CFAP20DC: variants seen among roughly 807,000 people sequenced by gnomAD.
The protein encoded by CFAP20DC is protein CFAP20DC.
In CFAP20DC, 84 loss-of-function variants were observed where a neutral mutation model predicts 101.7. The observed-to-expected ratio is 0.83, with a 90% CI of 0.69 to 0.99. The LOEUF is 0.99. CFAP20DC is among the 50% of genes least tolerant of loss of function. The pLI is 0.00. For synonymous variants in CFAP20DC, 359 were observed against 351.2 expected (o/e 1.02, Z -0.25); for missense variants, 1,007 against 970.3 (o/e 1.04, Z -0.50).
intron 15 of CFAP20DC, among the ~76,000 whole-genome samples, chr3:58,768,818 C>T (rs1397718949): frequency 1.3e-5 from 2 of 152,216 alleles, no homozygotes; most frequent in South Asian, 2.1e-4. Context: ...CTAGTTGACT[C>T]TCTTTATCCT....
chr3:58,923,747 T>A lies in CFAP20DC; in HGVS notation c.394-9883A>T, dbSNP rs556020416. ...GTGCCTGTATTATTTCCTCAGCTTA[T>A]GATTTGTTGAGCTTATTCAATCTGT... On this transcript the variant is annotated intron_variant, in intron 5 of 16. Transcript: ENST00000482387. Among the ~76,000 whole-genome samples, 28 of 152,318 alleles carry A rather than the reference T, an allele frequency of 1.8e-4. No individual in the cohort carries two copies. In the South Asian group the frequency reaches 5.2e-3, roughly 28 times the overall value.
At chr3:58,762,158 T>A (rs1200786021) in intron 15 of CFAP20DC, among the ~76,000 whole-genome samples, 5 of 152,148 alleles carry the variant, frequency 3.3e-5, no homozygotes, top group Admixed American at 6.5e-5. Flanking sequence ...CCCATTATTA[T>A]TGTGTGGGAG....
chr3:58,806,083 A>G (rs1326709220), intron 15 of CFAP20DC, among the ~76,000 whole-genome samples: 1 of 152,228 alleles, frequency 6.6e-6, no homozygotes, highest in African/African-American at 2.4e-5. Flanking sequence ...GCCATGTGCC[A>G]AGAACTGTTC....
chr3:58,786,981 C>T (rs555458468), intron 15 of CFAP20DC, among the ~76,000 whole-genome samples: 19 of 151,630 alleles, frequency 1.3e-4, no homozygotes, highest in African/African-American at 2.2e-4. Flanking sequence ...CACTATCTGT[C>T]GTTTTAGACA....
At chr3:58,994,517 T>C (rs1465476476) in intron 4 of CFAP20DC, among the ~76,000 whole-genome samples, 1 of 152,116 alleles carries the variant, frequency 6.6e-6, no homozygotes, top group Non-Finnish European at 1.5e-5. Context: ...AGCAAATTGG[T>C]GTCAGAGAAT....
At chr3:58,979,077 G>C (rs148724156) in intron 4 of CFAP20DC, among the ~76,000 whole-genome samples, 17 of 152,304 alleles carry the variant, frequency 1.1e-4, no homozygotes, top group Admixed American at 5.2e-4. Flanking sequence ...AAAGGTCCCA[G>C]AAGATTGATT....
At chr3:58,726,750 A>G (rs2067557942) in intron 3 of CFAP20DC, 1 of 223,922 alleles carries the variant, frequency 4.5e-6, no homozygotes, top group East Asian at 1.7e-4. Context: ...ATCAGAAGAG[A>G]TGAGAACAAC....
chr3:58,949,179 T>C (rs1456970748), intron 4 of CFAP20DC, among the ~76,000 whole-genome samples: 3 of 152,222 alleles, frequency 2.0e-5, no homozygotes, highest in Non-Finnish European at 2.9e-5. Context: ...TTCTTCTCTC[T>C]TCTTTATTAG....
At chr3:58,737,232 A>G, downstream of CFAP20DC, 1 of 456,496 alleles carries the variant, frequency 2.2e-6, no homozygotes. The surrounding 1 kb of genome is among the most constrained non-coding windows in gnomAD (Gnocchi z 4.1). Context: ...TATCTGGGCA[A>G]AGCAAAAAAC....
chr3:58,775,500 T>G (rs1305424081), intron 15 of CFAP20DC, among the ~76,000 whole-genome samples: 1 of 152,172 alleles, frequency 6.6e-6, no homozygotes, highest in East Asian at 1.9e-4. Context: ...AGTTTCATTA[T>G]GAAAATATGT....
rs1560015688 is a variant in CFAP20DC at position 59,027,891 on chromosome 3, G to A, written c.278+11666C>T. Among the ~76,000 whole-genome samples the A allele has an allele frequency of 2.0e-5, 3 of 152,140 alleles. No homozygotes were observed. The South Asian group carries it at 6.2e-4, about 31-fold the overall frequency. On this transcript the variant is annotated intron_variant, in intron 4 of 16. Transcript: ENST00000482387. ...AAAAATAAAATAAATGTTAAAACCTGTTGTTTTACCTTCAAGTGAAACCAT... is the reference window on the plus strand; with the variant it reads ...AAAAATAAAATAAATGTTAAAACCTATTGTTTTACCTTCAAGTGAAACCAT...
intron 15 of CFAP20DC, among the ~76,000 whole-genome samples, chr3:58,768,105 C>T (rs2070487883): frequency 6.6e-6 from 1 of 152,168 alleles, no homozygotes; most frequent in Admixed American, 6.6e-5. Context: ...GAATAGCCAC[C>T]TCTAAGCACA....
chr3:58,955,754 ATCAC>A (rs1285098588), intron 4 of CFAP20DC, among the ~76,000 whole-genome samples: 1 of 151,824 alleles, frequency 6.6e-6, no homozygotes, highest in Non-Finnish European at 1.5e-5. Flanking sequence ...GCATGCTGGT[ATCAC>A]TCCTCTGACC....
intron 6 of CFAP20DC, among the ~76,000 whole-genome samples, chr3:58,908,857 A>C (rs945299042): frequency 1.3e-5 from 2 of 152,180 alleles, no homozygotes; most frequent in Admixed American, 6.6e-5. Flanking sequence ...ACAGATATGG[A>C]GGGACCTTAA....
intron 6 of CFAP20DC, among the ~76,000 whole-genome samples, chr3:58,908,130 A>C (rs2107289538): frequency 6.6e-6 from 1 of 152,244 alleles, no homozygotes; most frequent in East Asian, 1.9e-4. Flanking sequence ...TTACCCTTTC[A>C]CCTAAGGCTG....
intron 4 of CFAP20DC, among the ~76,000 whole-genome samples, chr3:58,993,859 T>C (rs1406375458): frequency 6.6e-6 from 1 of 152,330 alleles, no homozygotes; most frequent in East Asian, 1.9e-4. Flanking sequence ...TGATTCCATG[T>C]CTTTGTTATT....
intron 6 of CFAP20DC, among the ~76,000 whole-genome samples, chr3:58,907,094 CGTGTGTGTGTGT>C (rs35001935): frequency 7.4e-5 from 11 of 149,134 alleles, no homozygotes; most frequent in African/African-American, 2.7e-4. Flanking sequence ...CTTTGTGCCT[CGTGTGTGTGTGT>C]GTGTGTGTGT....
intron 4 of CFAP20DC, among the ~76,000 whole-genome samples, chr3:58,957,846 T>C (rs2090779590): frequency 6.6e-6 from 1 of 152,124 alleles, no homozygotes; most frequent in Admixed American, 6.5e-5. Flanking sequence ...TACTAGAGGC[T>C]GGGAAGTGTA....
chr3:58,960,147 T>A lies in CFAP20DC; in HGVS notation c.279-22385A>T, dbSNP rs2091007280. 1.3e-5 allele frequency among the ~76,000 whole-genome samples: 2 copies of A among 152,212 alleles called. 1 individual carries two copies. Among genetic ancestry groups the A allele is most frequent in the South Asian group, 4.1e-4 (2 of 4,836 alleles). On this transcript the variant is annotated intron_variant, in intron 4 of 16. Coordinates refer to ENST00000482387, the MANE Select transcript of CFAP20DC (RefSeq NM_001394063.1). Reference sequence around the variant, plus strand: ...GTTTCACTGATTTTGGTCATTTGTGTCTCCTCTCTTATTTTCTTAGACAGT... The same window carrying A: ...GTTTCACTGATTTTGGTCATTTGTGACTCCTCTCTTATTTTCTTAGACAGT...
Sources: gnomAD v4.1 joint callset for allele counts (sites outside exome capture counted in the v4.1 genomes callset) on GRCh38, gnomAD v4.1.1 for gene constraint, Gnocchi (gnomAD v3.1) non-coding constraint, MANE v1.5 for transcripts, NCBI Gene and HGNC (gene_info 2026-07-23, HGNC 2026-07-21) for gene names.